Variants in COL6A6 observed in about 807,000 individuals in gnomAD.
COL6A6 encodes the protein collagen type VI alpha 6 chain.
COL6A6 carries 183 observed loss-of-function variants against 208.6 expected under a neutral mutation model. The observed-to-expected ratio is 0.88, with a 90% CI of 0.78 to 0.99. COL6A6 has a LOEUF of 0.99. COL6A6 is among the 50% of genes least tolerant of loss of function. The pLI is 0.00. For missense variants in COL6A6, 2,816 were observed against 2,815.2 expected (o/e 1.00, Z -0.01); for synonymous variants, 973 against 1,011.8 (o/e 0.96, Z 0.73).
intron 3 of COL6A6, among the ~76,000 whole-genome samples, chr3:130,564,229 C>G (rs1180111408): frequency 5.3e-5 from 8 of 152,210 alleles, no homozygotes; most frequent in Non-Finnish European, 1.2e-4. Context: ...AGTTTCAGCT[C>G]CAGACTGCCT....
intron 3 of COL6A6, among the ~76,000 whole-genome samples, chr3:130,564,226 G>C (rs1031457345): frequency 2.0e-5 from 3 of 152,218 alleles, no homozygotes; most frequent in Non-Finnish European, 4.4e-5. Context: ...TGTAGTTTCA[G>C]CTCCAGACTG....
Position 130,658,781 on chromosome 3 carries a change from C to G in COL6A6, c.5830+9C>G. ...GTGCACTTTCTGCTATGGTAAGACC[C>G]ACAGAGAGAAGGTAATTTGGTCAGG... On this transcript the variant is annotated intron_variant, in intron 34 of 36. Coordinates refer to ENST00000358511, the MANE Select transcript of COL6A6 (RefSeq NM_001102608.3). The G allele has an allele frequency of 6.3e-7, 1 of 1,599,726 alleles. No homozygotes were observed. Among genetic ancestry groups the G allele is most frequent in the Non-Finnish European group, 8.6e-7 (1 of 1,169,050 alleles).
At chr3:130,564,879 C>T in intron 3 of COL6A6, 115 bp from the exon 4 acceptor site, 2 of 1,159,148 alleles carry the variant, frequency 1.7e-6, no homozygotes, top group Admixed American at 2.3e-5. Flanking sequence ...ATTTGTCTAC[C>T]TCCTTCTCTA....
intron 23 of COL6A6, among the ~76,000 whole-genome samples, chr3:130,618,021 C>T (rs576368274): frequency 6.6e-6 from 1 of 152,180 alleles, no homozygotes; most frequent in African/African-American, 2.4e-5. Flanking sequence ...AATACTCAAC[C>T]TGAGGAAAAA....
chr3:130,586,603 C>T lies in COL6A6; in HGVS notation c.4068C>T (p.Tyr1356=), dbSNP rs965104280. 1.2e-5 allele frequency: 19 copies of T among 1,613,790 alleles called. No homozygotes were observed. The highest frequency in any genetic ancestry group is 1.6e-5 in the Non-Finnish European group (19 of 1,179,862). ...PYIEFGKGFE[Y]RTQLSIGMRE... is the part of the protein sequence containing the mutation. Reference sequence around the variant, plus strand: ...TTGAATTTGGGAAAGGATTTGAGTACAGGACACAGCTCTCTATTGGCATGA... The same window carrying T: ...TTGAATTTGGGAAAGGATTTGAGTATAGGACACAGCTCTCTATTGGCATGA... Residue 1356 remains tyrosine (Y), a synonymous_variant, in exon 11 of 37, where the codon TAC becomes TAT. Transcript: ENST00000358511.
At chr3:130,614,477 C>T (rs769832457) in intron 23 of COL6A6, among the ~76,000 whole-genome samples, 70 of 151,786 alleles carry the variant, frequency 4.6e-4, no homozygotes, top group Non-Finnish European at 9.0e-4. Context: ...TTTCTTTTTT[C>T]GTTGTGTCTC....
chr3:130,665,239 C>G (rs182801351), intron 36 of COL6A6, 143 bp downstream of exon 36: 1 of 555,308 alleles, frequency 1.8e-6, no homozygotes, highest in Non-Finnish European at 3.2e-6. Context: ...AAATATAATT[C>G]GAAGGAACAA....
At chr3:130,571,753 C>T (rs57742740) in intron 7 of COL6A6, among the ~76,000 whole-genome samples, 3,165 of 151,992 alleles carry the variant, frequency 0.021, 136 homozygotes, top group African/African-American at 0.072. Flanking sequence ...CGGCTCACTG[C>T]AGCCTCAACT....
At chr3:130,570,361 A>G (rs778039243) in intron 6 of COL6A6, among the ~76,000 whole-genome samples, 10 of 152,214 alleles carry the variant, frequency 6.6e-5, no homozygotes, top group Non-Finnish European at 1.0e-4. Flanking sequence ...GTGTTGCCAA[A>G]TTCATTTTCA....
chr3:130,615,318 G>T (rs970840670), intron 23 of COL6A6, among the ~76,000 whole-genome samples: 1 of 151,632 alleles, frequency 6.6e-6, no homozygotes, highest in African/African-American at 2.4e-5. Context: ...ATATGATTTT[G>T]TTTTTTTTCT....
At chr3:130,570,720 T>C in intron 6 of COL6A6, 98 bp from the exon 7 acceptor site, 1 of 870,400 alleles carries the variant, frequency 1.1e-6, no homozygotes, top group Non-Finnish European at 1.8e-6. Flanking sequence ...CATGATCCCC[T>C]TGGAGAGAAA....
At chr3:130,615,802 A>G (rs1320183498) in intron 23 of COL6A6, among the ~76,000 whole-genome samples, 1 of 152,172 alleles carries the variant, frequency 6.6e-6, no homozygotes, top group African/African-American at 2.4e-5. Flanking sequence ...GGAAATCCAA[A>G]ATCTTGGTAT....
At chr3:130,645,137 C>T in intron 32 of COL6A6, 135 bp downstream of exon 32, 1 of 814,732 alleles carries the variant, frequency 1.2e-6, no homozygotes, top group Non-Finnish European at 2.1e-6. Context: ...CTGCCTCATA[C>T]TGGTAGCAGA....
intron 1 of COL6A6, among the ~76,000 whole-genome samples, chr3:130,551,631 GT>G (rs1361426497): frequency 0.045 from 5,590 of 123,190 alleles, 225 homozygotes; most frequent in African/African-American, 0.12. Context: ...GATCTTTTGG[GT>G]TTTTTTTTTT....
At chr3:130,575,198 C>T (rs529297474) in intron 8 of COL6A6, among the ~76,000 whole-genome samples, 2 of 152,160 alleles carry the variant, frequency 1.3e-5, no homozygotes, top group Admixed American at 1.3e-4. Flanking sequence ...AGACAGACAG[C>T]CTGACAGCAG....
chr3:130,616,937 A>G (rs2064546762), intron 23 of COL6A6, among the ~76,000 whole-genome samples: 1 of 152,146 alleles, frequency 6.6e-6, no homozygotes, highest in South Asian at 2.1e-4. Context: ...AAACCATTTA[A>G]TGTATGTAGG....
At chr3:130,526,813 T>TA (rs34245542) in intron 1 of COL6A6, among the ~76,000 whole-genome samples, 21,657 of 146,794 alleles carry the variant, frequency 0.15, 2,192 homozygotes, top group East Asian at 0.38. Context: ...CTCCATGAGA[T>TA]AAAAAAAAAA....
At position 130,586,679 on chromosome 3, in the gene COL6A6, G is replaced by A. The variant is rs1478396076; in HGVS notation, c.4125+19G>A. 1.3e-6 allele frequency: 2 copies of A among 1,595,930 alleles called. No individual in the cohort carries two copies. The highest frequency in any genetic ancestry group is 2.3e-5 in the South Asian group (2 of 87,252). On this transcript the variant is annotated intron_variant, in intron 11 of 36. Transcript: ENST00000358511. Reference sequence around the variant, plus strand: ...GCAGCTGGTAAGTTATTCTGAAAAGGCTGGTGAGCTTAAATTTTCAATTAT... The same window carrying A: ...GCAGCTGGTAAGTTATTCTGAAAAGACTGGTGAGCTTAAATTTTCAATTAT...
At chr3:130,643,489 T>G (rs1317288323) in intron 31 of COL6A6, among the ~76,000 whole-genome samples, 1 of 152,232 alleles carries the variant, frequency 6.6e-6, no homozygotes, top group Non-Finnish European at 1.5e-5. Context: ...TTGATTATTT[T>G]TTGTTGGACT....
Sources: allele counts gnomAD v4.1 joint callset (sites outside exome capture counted in the v4.1 genomes callset), GRCh38; gene constraint gnomAD v4.1.1; transcripts MANE v1.5; gene names NCBI Gene and HGNC (gene_info 2026-07-23, HGNC 2026-07-21).